DNAH14: variants seen among roughly 807,000 people sequenced by gnomAD.
The protein encoded by DNAH14 is axonemal beta dynein heavy chain 14.
DNAH14 carries 478 observed loss-of-function variants against 520.9 expected under a neutral mutation model. The observed-to-expected ratio is 0.92, with a 90% CI of 0.85 to 0.99. The LOEUF (loss-of-function observed/expected upper bound fraction) is 0.99, where lower values mean the gene tolerates loss of function less well. DNAH14 is among the 50% of genes least tolerant of loss of function. DNAH14 has a pLI of 0.00. For missense variants in DNAH14, 4,831 were observed against 5,234.5 expected (o/e 0.92, Z 2.38); for synonymous variants, 1,581 against 1,757.2 (o/e 0.90, Z 2.51).
In DNAH14 at chr1:225,192,908, C is replaced by A. The variant is rs1309809024; in HGVS notation, c.5883C>A (p.Ser1961=). ...LRLKSRISDL[S]NVFKLDSSDT... is the part of the protein sequence containing the mutation. ...TAAAGTCAAGAATCTCAGATTTATC[C>A]AATGTAAGTTTAGTATTGAATGAAT... The change falls in exon 38 of 86, where the codon TCC becomes TCA. Residue 1961 remains serine, a synonymous_variant. Transcript: ENST00000682510. 2.6e-6 allele frequency: 4 copies of A among 1,543,582 alleles called. No homozygotes were observed. Among genetic ancestry groups the A allele is most frequent in the Non-Finnish European group, 3.5e-6 (4 of 1,141,606 alleles).
rs570085230 is a variant in DNAH14, at chr1:225,064,478, C to T, written c.2424+12683C>T. Among the ~76,000 whole-genome samples, 3 of 151,944 alleles carry T rather than the reference C, an allele frequency of 2.0e-5. No individual in the cohort carries two copies. The South Asian group carries it at 6.2e-4, about 32-fold the overall frequency. On this transcript the variant is annotated intron_variant, in intron 17 of 85. Transcript: ENST00000682510. ...ACTTGCACCCAAGTGGTCAGAGAAG[C>T]TTTATTTGCAATTGCCAAAACCTGA...
intron 62 of DNAH14, among the ~76,000 whole-genome samples, chr1:225,323,228 T>C (rs192176635): frequency 6.6e-6 from 1 of 152,276 alleles, no homozygotes; most frequent in East Asian, 1.9e-4. Context: ...ATATGCCGCC[T>C]GGGGGACAGA....
chr1:225,185,534 T>C, intron 37 of DNAH14, 109 bp downstream of exon 37: 1 of 1,168,002 alleles, frequency 8.6e-7, no homozygotes. Context: ...ATTAAACTTA[T>C]TGCTAGGAAT....
intron 3 of DNAH14, among the ~76,000 whole-genome samples, chr1:224,957,590 G>T (rs1194287839): frequency 2.0e-5 from 3 of 152,082 alleles, no homozygotes. Flanking sequence ...GAGTTAAGCT[G>T]AATAGGATGA....
intron 39 of DNAH14, among the ~76,000 whole-genome samples, chr1:225,205,326 C>A (rs1177031079): frequency 6.6e-6 from 1 of 152,158 alleles, no homozygotes; most frequent in East Asian, 1.9e-4. Context: ...AAATTCCTCA[C>A]CCCTTCCACC....
chr1:225,020,072 T>C (rs2065540783), intron 10 of DNAH14, among the ~76,000 whole-genome samples: 1 of 151,924 alleles, frequency 6.6e-6, no homozygotes, highest in Non-Finnish European at 1.5e-5. Flanking sequence ...AACCAAAAGT[T>C]GATTCTTCAG....
intron 8 of DNAH14, among the ~76,000 whole-genome samples, chr1:224,988,506 T>C (rs1377493659): frequency 2.6e-5 from 4 of 152,164 alleles, no homozygotes; most frequent in African/African-American, 9.6e-5. Flanking sequence ...AAGAACACTT[T>C]TATACTGTTG....
At chr1:224,952,891 T>G in intron 2 of DNAH14, 112 bp downstream of exon 2, 1 of 712,028 alleles carries the variant, frequency 1.4e-6, no homozygotes, top group Non-Finnish European at 2.1e-6. Context: ...TTATCAGAAT[T>G]TATTGATGAT....
intron 1 of DNAH14, among the ~76,000 whole-genome samples, chr1:224,942,067 G>A (rs2059456940): frequency 6.6e-6 from 1 of 152,052 alleles, no homozygotes; most frequent in Non-Finnish European, 1.5e-5. Context: ...AGCTTGATGG[G>A]GATGGCATTG....
chr1:225,263,300 A>G (rs966163406), intron 46 of DNAH14, among the ~76,000 whole-genome samples: 1 of 151,026 alleles, frequency 6.6e-6, no homozygotes, highest in African/African-American at 2.5e-5. Flanking sequence ...TTCAATCTTA[A>G]CATAACCAAA....
At chr1:224,970,917 AT>A (rs760833179) in intron 7 of DNAH14, among the ~76,000 whole-genome samples, 57 of 152,326 alleles carry the variant, frequency 3.7e-4, no homozygotes, top group Non-Finnish European at 6.0e-4. Context: ...TGCCAGGGAT[AT>A]TGTATTGAAC....
rs145060935 is a variant in DNAH14 at position 225,058,708 on chromosome 1, C to G, written c.2424+6913C>G. 5.0e-3 allele frequency among the ~76,000 whole-genome samples: 764 copies of G among 152,198 alleles called. 6 individuals are homozygous for G. The highest frequency in any genetic ancestry group is 0.017 in the African/African-American group (721 of 41,504). On this transcript the variant is annotated intron_variant, in intron 17 of 85. Transcript: ENST00000682510. ...CCTCTACACACTGCTTTGAATGTTT[C>G]GCAGAGATTCTGGTATGTTATGTCT...
At chr1:225,332,830 CAAAA>C (rs36110645) in intron 65 of DNAH14, among the ~76,000 whole-genome samples, 3 of 90,836 alleles carry the variant, frequency 3.3e-5, no homozygotes, top group Middle Eastern at 5.7e-3. Context: ...CCTGTCTCTA[CAAAA>C]AAAAAAAAAA....
At chr1:225,241,653 G>A (rs927822818) in intron 43 of DNAH14, among the ~76,000 whole-genome samples, 1 of 152,162 alleles carries the variant, frequency 6.6e-6, no homozygotes, top group Non-Finnish European at 1.5e-5. Context: ...AATATGTACA[G>A]CATGTTACTC....
Position 225,392,311 on chromosome 1 carries a change from C to T in DNAH14, c.13351C>T (p.Gln4451Ter). ...FPQAFLAAVL[Q>*]DYGRSRGIAV... is the part of the protein sequence containing the mutation. Reference sequence around the variant, plus strand: ...CAAAGCCTTTCTTGCTGCTGTGCTTCAAGACTATGGGAGGTCCCGAGGAAT... The same window carrying T: ...CAAAGCCTTTCTTGCTGCTGTGCTTTAAGACTATGGGAGGTCCCGAGGAAT... The change falls in exon 84 of 86, where the codon CAA becomes TAA. Residue 4451 changes from glutamine to a stop codon, truncating the protein, a stop_gained. Transcript: ENST00000682510. LOFTEE classifies it high-confidence loss of function. 6.4e-7 allele frequency: 1 copy of T among 1,552,384 alleles called. No homozygotes were observed. The highest frequency in any genetic ancestry group is 8.7e-7 in the Non-Finnish European group (1 of 1,147,146).
chr1:225,147,311 T>C (rs1402790790), intron 31 of DNAH14, 62 bp downstream of exon 31: 3 of 1,388,488 alleles, frequency 2.2e-6, no homozygotes, highest in Non-Finnish European at 1.9e-6. Flanking sequence ...AATGTTTAGT[T>C]AATTATTGTT....
At chr1:224,957,843 G>A (rs1196431839) in intron 3 of DNAH14, among the ~76,000 whole-genome samples, 2 of 152,126 alleles carry the variant, frequency 1.3e-5, no homozygotes, top group African/African-American at 4.8e-5. Context: ...GTGACTATAT[G>A]CAACTCTTGA....
At chr1:225,094,789 T>A in intron 21 of DNAH14, among the ~76,000 whole-genome samples, 1 of 137,578 alleles carries the variant, frequency 7.3e-6, no homozygotes, top group Admixed American at 7.4e-5. Context: ...ATATCCAGAA[T>A]CTATAAGGAA....
chr1:225,090,029 TC>T (rs1294148614), intron 21 of DNAH14, among the ~76,000 whole-genome samples: 2 of 152,104 alleles, frequency 1.3e-5, no homozygotes, highest in African/African-American at 4.8e-5. Context: ...TCATTTGTAT[TC>T]CGATGACATG....
Sources: allele counts gnomAD v4.1 joint callset (sites outside exome capture counted in the v4.1 genomes callset), GRCh38; gene constraint gnomAD v4.1.1; transcripts MANE v1.5; gene names NCBI Gene and HGNC (gene_info 2026-07-23, HGNC 2026-07-21).